Variants in EVC observed in about 807,000 individuals in gnomAD.
The protein encoded by EVC is evC complex member EVC.
EVC carries 116 observed loss-of-function variants against 118.9 expected under a neutral mutation model. The ratio of observed to expected loss-of-function variants is 0.98; its 90% confidence interval spans 0.84 to 1.14. The LOEUF (loss-of-function observed/expected upper bound fraction) is 1.14. EVC is among the 50% of genes most tolerant of loss of function. The probability of loss-of-function intolerance (pLI) is 0.00; values close to 1 mark genes in which losing one functional copy is unlikely to be tolerated. For missense variants in EVC, 1,401 were observed against 1,246.4 expected, an observed-to-expected ratio of 1.12 and a Z score of -1.87; for synonymous variants, 619 against 534.7, an observed-to-expected ratio of 1.16 and a Z score of -2.18.
In EVC at chr4:5,737,233, G is replaced by C. The variant is rs1727836269; in HGVS notation, c.702+3798G>C. 6.6e-6 allele frequency among the ~76,000 whole-genome samples: 1 copy of C among 152,190 alleles called. No individual in the cohort carries two copies. Among genetic ancestry groups the C allele is most frequent in the Non-Finnish European group, 1.5e-5 (1 of 68,040 alleles). On this transcript the variant is annotated intron_variant, in intron 5 of 20. Transcript: ENST00000264956. This position sits in a 1 kb window ranked among gnomAD's most constrained non-coding sequence, Gnocchi z 5.0. ...ATTCTGTGAGTGCTGAGAGAGGTGA[G>C]GAAGCTGCAGAAGAAAAATTTGAAG...
At position 5,742,335 on chromosome 4, in the gene EVC, G is replaced by A. The variant is rs1241280796; in HGVS notation, c.801+521G>A. Among the ~76,000 whole-genome samples, 1 of 152,166 alleles carries A rather than the reference G, an allele frequency of 6.6e-6. No homozygotes were observed. The highest frequency in any genetic ancestry group is 2.4e-5 in the African/African-American group (1 of 41,442). Reference sequence around the variant, plus strand: ...AGTGCAGAAAGGATAAGAGAGATGTGTATGATACACCTAGCAATGTCATAG... The same window carrying A: ...AGTGCAGAAAGGATAAGAGAGATGTATATGATACACCTAGCAATGTCATAG... On this transcript the variant is annotated intron_variant, in intron 6 of 20. Transcript: ENST00000264956. This position sits in a 1 kb window ranked among gnomAD's most constrained non-coding sequence, Gnocchi z 5.2.
At chr4:5,810,235 CACA>C (rs1328333964) in intron 19 of EVC, 101 bp from the exon 20 acceptor site, 1 of 887,220 alleles carries the variant, frequency 1.1e-6, no homozygotes, top group Non-Finnish European at 1.9e-6. Flanking sequence ...ACTTGGCCCA[CACA>C]ACATGCTCAA....
At chr4:5,712,718 G>A (rs1723244712) in intron 1 of EVC, among the ~76,000 whole-genome samples, 1 of 152,136 alleles carries the variant, frequency 6.6e-6, no homozygotes, top group Non-Finnish European at 1.5e-5. Flanking sequence ...AGCTGATGAG[G>A]GCTGAAACTG....
chr4:5,828,796 C>A, the EVC span: 3 of 1,152,856 alleles, frequency 2.6e-6, no homozygotes, highest in South Asian at 1.7e-5. Context: ...TCTAAAAATA[C>A]CTTTTATTGA....
chr4:5,828,151 C>A, the EVC span: 1 of 985,430 alleles, frequency 1.0e-6, no homozygotes, highest in Non-Finnish European at 1.2e-6. Flanking sequence ...AAAGGAGGAT[C>A]ACAGCACCTC....
At chr4:5,778,914 A>C (rs60662139) in intron 11 of EVC, among the ~76,000 whole-genome samples, 9,705 of 150,976 alleles carry the variant, frequency 0.064, 981 homozygotes, top group African/African-American at 0.22. Flanking sequence ...AAGTCCTTGC[A>C]CATGCCTATG....
At chr4:5,716,336 G>C (rs924452560) in intron 1 of EVC, among the ~76,000 whole-genome samples, 70 of 152,254 alleles carry the variant, frequency 4.6e-4, no homozygotes, top group African/African-American at 1.4e-3. Flanking sequence ...ACATCTTGAA[G>C]TGGAGGCTTG....
rs35032068 is a variant in EVC at position 5,713,676 on chromosome 4, CAAAAAAAAA to C, written c.174+2136_174+2144del. Among the ~76,000 whole-genome samples the C allele has an allele frequency of 5.6e-5, 4 of 71,750 alleles. No homozygotes were observed. The Admixed American group carries it at 7.4e-4, about 13-fold the overall frequency. 47.1% of individuals were successfully genotyped at this position (71,750 alleles called of 152,430 possible). On this transcript the variant is annotated intron_variant, in intron 1 of 20. Coordinates refer to ENST00000264956, the MANE Select transcript of EVC (RefSeq NM_153717.3). ...TGGGCGATAGAGCAAGGCTCCGTCT[CAAAAAAAAA>C]AAAAAAAAAAAAATTAGAGACCAGC...
At chr4:5,752,018 C>T (rs1161121538) in intron 8 of EVC, among the ~76,000 whole-genome samples, 2 of 152,170 alleles carry the variant, frequency 1.3e-5, no homozygotes, top group Non-Finnish European at 2.9e-5. Context: ...TCTGAAAGGT[C>T]CGCTGTTCTG....
chr4:5,768,969 G>T (rs1394594400), intron 11 of EVC, among the ~76,000 whole-genome samples: 2 of 152,122 alleles, frequency 1.3e-5, no homozygotes, highest in African/African-American at 4.8e-5. Context: ...CCCAGGCCCA[G>T]GCACACAGAG....
At chr4:5,727,734 T>G (rs1406571945) in intron 2 of EVC, among the ~76,000 whole-genome samples, 3 of 151,966 alleles carry the variant, frequency 2.0e-5, no homozygotes, top group Admixed American at 6.6e-5. Flanking sequence ...TAATCCTTTT[T>G]GAATTGATTT....
At chr4:5,724,585 C>T (rs1310522368) in intron 2 of EVC, among the ~76,000 whole-genome samples, 2 of 152,074 alleles carry the variant, frequency 1.3e-5, no homozygotes, top group African/African-American at 2.4e-5. Flanking sequence ...GCCTTGGGCA[C>T]GTGACTTCAC....
chr4:5,711,777 C>A (rs1723070075), intron 1 of EVC, among the ~76,000 whole-genome samples: 1 of 152,316 alleles, frequency 6.6e-6, no homozygotes, highest in Middle Eastern at 3.4e-3. Flanking sequence ...ACATCCCACT[C>A]CGTTGGGTGA....
At chr4:5,787,146 C>T (rs1165728313) in intron 12 of EVC, among the ~76,000 whole-genome samples, 1 of 152,166 alleles carries the variant, frequency 6.6e-6, no homozygotes, top group Non-Finnish European at 1.5e-5. Flanking sequence ...TGAATTACCC[C>T]GTTAGAACAG....
intron 12 of EVC, among the ~76,000 whole-genome samples, chr4:5,785,091 C>G (rs1425336341): frequency 2.0e-5 from 3 of 152,198 alleles, no homozygotes; most frequent in Admixed American, 6.5e-5. Flanking sequence ...TGACACTGCT[C>G]TGGCCTTTGA....
At chr4:5,713,913 TA>T (rs1723499586) in intron 1 of EVC, among the ~76,000 whole-genome samples, 1 of 151,878 alleles carries the variant, frequency 6.6e-6, no homozygotes, top group Non-Finnish European at 1.5e-5. Context: ...AAAAAATAAA[TA>T]AATAAATAAA....
chr4:5,800,844 C>T (rs559358997), intron 15 of EVC, among the ~76,000 whole-genome samples: 54 of 93,894 alleles, frequency 5.8e-4, no homozygotes, highest in African/African-American at 1.8e-3. Context: ...TAGTCACCTC[C>T]GCAGCCTCCG....
At chr4:5,778,546 T>A (rs1166899189) in intron 11 of EVC, among the ~76,000 whole-genome samples, 1 of 152,206 alleles carries the variant, frequency 6.6e-6, no homozygotes, top group South Asian at 2.1e-4. Flanking sequence ...TGGTGTGAGA[T>A]GATAACTCAT....
Position 5,808,446 on chromosome 4 carries a change from C to A in EVC, c.2688+119C>A. ...GACTGCACTTCCCTGCCTGTGGCAT[C>A]GTTGACCCGCTGAGTCTCACCTGCT... On this transcript the variant is annotated intron_variant, in intron 18 of 20. Transcript: ENST00000264956. 27 of 1,487,908 alleles carry A rather than the reference C, an allele frequency of 1.8e-5. No homozygotes were observed. In the South Asian group the frequency reaches 3.1e-4, roughly 17 times the overall value. 92.2% of individuals were successfully genotyped at this position (1,487,908 alleles called of 1,614,324 possible).
Sources: allele counts gnomAD v4.1 joint callset (sites outside exome capture counted in the v4.1 genomes callset), GRCh38; gene constraint gnomAD v4.1.1; non-coding constraint Gnocchi (gnomAD v3.1); transcripts MANE v1.5; gene names NCBI Gene and HGNC (gene_info 2026-07-23, HGNC 2026-07-21).